The following PCDHGA4 variants were observed in gnomAD, a reference collection of about 807,000 sequenced individuals.
PCDHGA4 encodes protocadherin gamma subfamily A, 4.
In PCDHGA4, 38 loss-of-function variants were observed where a neutral mutation model predicts 54.6. The observed-to-expected ratio is 0.70, with a 90% CI of 0.54 to 0.91. PCDHGA4 has a LOEUF of 0.91. Among genes scored for constraint, PCDHGA4 ranks in the 40% least tolerant of loss-of-function variants. The pLI, the probability that PCDHGA4 is intolerant of heterozygous loss-of-function variation, is 0.00. For missense variants in PCDHGA4, 1,298 were observed against 1,220.9 expected (o/e 1.06, Z -0.94); for synonymous variants, 511 against 512.9 (o/e 1.00, Z 0.05).
At chr5:141,418,987 A>T (rs1244429131) in intron 1 of PCDHGA4, 2 of 1,613,856 alleles carry the variant, frequency 1.2e-6, no homozygotes, top group Non-Finnish European at 1.7e-6. Flanking sequence ...ACCAAGACTC[A>T]GGGGAAAATG....
chr5:141,375,451 C>G (rs1561567898), intron 1 of PCDHGA4: 9 of 1,614,016 alleles, frequency 5.6e-6, no homozygotes, highest in Non-Finnish European at 7.6e-6. Flanking sequence ...CCCATTCATC[C>G]TACTCAGTCT....
In PCDHGA4 at chr5:141,431,028, T is replaced by C. The variant is rs367575636; in HGVS notation, c.2515-63779T>C. On this transcript the variant is annotated intron_variant, in intron 1 of 3. Transcript: ENST00000571252. This position sits in a 1 kb window ranked among gnomAD's most constrained non-coding sequence, Gnocchi z 4.8. ...GGCAGCTTGGTCACGGCGGGCAGGA[T>C]AGACCGGGAGGAGCTCTGTATGGGG... The C allele has an allele frequency of 6.2e-7, 1 of 1,613,986 alleles. No homozygotes were observed. Among genetic ancestry groups the C allele is most frequent in the Admixed American group, 1.7e-5 (1 of 60,022 alleles).
At chr5:141,378,822 T>C (rs181427236) in intron 1 of PCDHGA4, 13 of 152,360 alleles carry the variant, frequency 8.5e-5, no homozygotes, top group Non-Finnish European at 1.6e-4. Flanking sequence ...CATTGTTTCA[T>C]GAACAGAAAA....
At chr5:141,357,729 T>C (rs1760716343) in intron 1 of PCDHGA4, 108 bp downstream of exon 1, 1 of 1,365,476 alleles carries the variant, frequency 7.3e-7, no homozygotes, top group Non-Finnish European at 9.8e-7. Flanking sequence ...CCTCTTTTAA[T>C]ATTTTATTGC....
rs566635689 is a variant in PCDHGA4, at chr5:141,469,738, C to G, written c.2515-25069C>G. ...AGGAATTTATCATAAATACACACCT[C>G]AAAAATTACAAAAATACATATATAC... is the stretch of plus-strand genomic sequence containing the variant. On this transcript the variant is annotated intron_variant, in intron 1 of 3. Transcript: ENST00000571252. 6.7e-4 allele frequency among the ~76,000 whole-genome samples: 102 copies of G among 152,292 alleles called. 2 individuals are homozygous for G. Among genetic ancestry groups the G allele is most frequent in the African/African-American group, 2.4e-3 (99 of 41,552 alleles).
At chr5:141,428,437 C>A in intron 1 of PCDHGA4, 1 of 400,386 alleles carries the variant, frequency 2.5e-6, no homozygotes, top group South Asian at 2.4e-5. Flanking sequence ...TAAGACTAGA[C>A]CAGGGGTTTT....
intron 1 of PCDHGA4, chr5:141,385,308 C>G: frequency 1.9e-6 from 3 of 1,612,216 alleles, no homozygotes; most frequent in Non-Finnish European, 2.5e-6. Context: ...GTAAAGAAAA[C>G]CTGCCAAGTA....
rs751024373 is a variant in PCDHGA4, at chr5:141,491,801, G to T, written c.2515-3006G>T. 1 of 1,500,844 alleles carries T rather than the reference G, an allele frequency of 6.7e-7. No homozygotes were observed. Among genetic ancestry groups the T allele is most frequent in the Non-Finnish European group, 8.9e-7 (1 of 1,125,292 alleles). 93.0% of individuals were successfully genotyped at this position (1,500,844 alleles called of 1,614,324 possible). ...AACTTGCATCCACTCCTCTCCGGCCGGCTTGGTCGCTGGCTGCGCTCCACC... is the reference window on the plus strand; with the variant it reads ...AACTTGCATCCACTCCTCTCCGGCCTGCTTGGTCGCTGGCTGCGCTCCACC... On this transcript the variant is annotated intron_variant, in intron 1 of 3. Transcript: ENST00000571252. This position sits in a 1 kb window ranked among gnomAD's most constrained non-coding sequence, Gnocchi z 6.9.
At chr5:141,371,198 C>T (rs1262437618) in intron 1 of PCDHGA4, 124 of 1,613,890 alleles carry the variant, frequency 7.7e-5, no homozygotes, top group Non-Finnish European at 1.0e-4. Context: ...TGGCCATTGA[C>T]ATGGATGAGG....
intron 1 of PCDHGA4, among the ~76,000 whole-genome samples, chr5:141,492,854 G>A (rs1361942466): frequency 6.6e-6 from 1 of 152,212 alleles, no homozygotes; most frequent in Non-Finnish European, 1.5e-5. Flanking sequence ...AAAGCCTCGA[G>A]CGCCCTGGCT....
At chr5:141,401,098 C>T (rs1589430206) in intron 1 of PCDHGA4, among the ~76,000 whole-genome samples, 1 of 152,110 alleles carries the variant, frequency 6.6e-6, no homozygotes, top group East Asian at 1.9e-4. Context: ...AATCCCAGCA[C>T]TTTGGGAGGC....
chr5:141,476,699 G>C lies in PCDHGA4; in HGVS notation c.2515-18108G>C. 1 of 1,614,222 alleles carries C rather than the reference G, an allele frequency of 6.2e-7. No individual in the cohort carries two copies. The highest frequency in any genetic ancestry group is 8.5e-7 in the Non-Finnish European group (1 of 1,180,042). ...GCGGGAGGACAGCACCAAGTACGCG[G>C]AGCTGGTGTTGGAGCGCGCCCTGGA... is the stretch of plus-strand genomic sequence containing the variant. On this transcript the variant is annotated intron_variant, in intron 1 of 3. Transcript: ENST00000571252. The surrounding 1 kb of genome is among the most constrained non-coding windows in gnomAD (Gnocchi z 7.6).
At chr5:141,478,519 G>T (rs778194073) in intron 1 of PCDHGA4, 19 of 1,610,728 alleles carry the variant, frequency 1.2e-5, no homozygotes, top group Non-Finnish European at 1.6e-5. Flanking sequence ...GGCAGGTGTT[G>T]GGTGCAGAGA....
rs1298454674 is a variant in PCDHGA4, at chr5:141,438,625, TATATATATATAC to T, written c.2515-56180_2515-56169del. 7.7e-3 allele frequency among the ~76,000 whole-genome samples: 357 copies of T among 46,390 alleles called. 5 individuals are homozygous for T. The East Asian group carries it at 0.082, about 11-fold the overall frequency. 30.4% of individuals were successfully genotyped at this position (46,390 alleles called of 152,430 possible). A position where few individuals can be genotyped will look rare whatever the true frequency, so the allele number is the denominator to read the frequency against. On this transcript the variant is annotated intron_variant, in intron 1 of 3. Transcript: ENST00000571252. ...ATATATATATATATATATATATATATATATATATATACACACACACACACACATATATGTATA... is the reference window on the plus strand; with the variant it reads ...ATATATATATATATATATATATATATACACACACACACACATATATGTATA...
chr5:141,381,518 A>AT (rs1173205402), intron 1 of PCDHGA4, among the ~76,000 whole-genome samples: 1 of 152,222 alleles, frequency 6.6e-6, no homozygotes, highest in Non-Finnish European at 1.5e-5. Context: ...TAGGATGAAG[A>AT]TTTGAATTGC....
At position 141,423,488 on chromosome 5, in the gene PCDHGA4, A is replaced by G. The variant is rs141810253; in HGVS notation, c.2514+65867A>G. The G allele has an allele frequency of 9.2e-4, 1,481 of 1,613,946 alleles. 7 individuals carry two copies. The highest frequency in any genetic ancestry group is 3.0e-3 in the Middle Eastern group (18 of 6,062). On this transcript the variant is annotated intron_variant, in intron 1 of 3. Transcript: ENST00000571252. The stretch of plus-strand genomic sequence containing the variant: ...GGGGTACAGGCTTTCCTGCAAACCT[A>G]TTCCCACGAGGTCTCTCTCATTGCG...
intron 1 of PCDHGA4, chr5:141,418,042 G>A: frequency 6.2e-7 from 1 of 1,614,014 alleles, no homozygotes; most frequent in South Asian, 1.1e-5. Context: ...TCCTGGATGT[G>A]TCGGCTCGCG....
chr5:141,366,977 A>G, intron 1 of PCDHGA4: 1 of 540,714 alleles, frequency 1.8e-6, no homozygotes, highest in Non-Finnish European at 3.1e-6. Context: ...AATACCTTAA[A>G]GGAAAGTGGT....
At chr5:141,444,644 G>T (rs1300191764) in intron 1 of PCDHGA4, among the ~76,000 whole-genome samples, 1 of 151,892 alleles carries the variant, frequency 6.6e-6, no homozygotes, top group Non-Finnish European at 1.5e-5. Flanking sequence ...ATTGAGGTAG[G>T]GGTTGAAGTT....
Sources: gnomAD v4.1 joint callset for allele counts (sites outside exome capture counted in the v4.1 genomes callset) on GRCh38, gnomAD v4.1.1 for gene constraint, Gnocchi (gnomAD v3.1) non-coding constraint, MANE v1.5 for transcripts, NCBI Gene and HGNC (gene_info 2026-07-23, HGNC 2026-07-21) for gene names.